The following ABCA13 variants were observed in gnomAD, a reference collection of about 807,000 sequenced individuals.
ABCA13 encodes ATP-binding cassette sub-family A member 13.
A neutral mutation model predicts 478.7 loss-of-function variants in ABCA13; 476 were observed. The observed-to-expected ratio is 0.99, with a 90% CI of 0.92 to 1.07. ABCA13 has a LOEUF of 1.07. Among genes scored for constraint, ABCA13 ranks in the 50% least tolerant of loss-of-function variants. ABCA13 has a pLI of 0.00. For missense variants in ABCA13, 6,060 were observed against 5,910.6 expected (o/e 1.03, Z -0.83); for synonymous variants, 2,252 against 2,158.9 (o/e 1.04, Z -1.20).
chr7:48,617,936 A>G (rs535355069), intron 59 of ABCA13, among the ~76,000 whole-genome samples: 1 of 152,296 alleles, frequency 6.6e-6, no homozygotes, highest in African/African-American at 2.4e-5. Context: ...GGACAGATAC[A>G]TAAGAGGAAA....
chr7:48,350,939 A>G, intron 30 of ABCA13, 120 bp downstream of exon 30: 1 of 1,024,450 alleles, frequency 9.8e-7, no homozygotes, highest in East Asian at 2.6e-5. Context: ...TCCTTTCCAG[A>G]TAAAACATAA....
At chr7:48,367,300 C>T (rs1811828228) in intron 31 of ABCA13, among the ~76,000 whole-genome samples, 2 of 152,128 alleles carry the variant, frequency 1.3e-5, no homozygotes, top group Non-Finnish European at 2.9e-5. Flanking sequence ...AGATAAGAGT[C>T]ATTTCAAGTG....
At chr7:48,506,503 T>A in intron 49 of ABCA13, 113 bp downstream of exon 49, 1 of 1,202,084 alleles carries the variant, frequency 8.3e-7, no homozygotes, top group Non-Finnish European at 1.2e-6. Flanking sequence ...AGATGGCTTA[T>A]AGAGTTAGCA....
In ABCA13 at chr7:48,374,424, C is replaced by A; in HGVS notation, c.11203+8C>A. ...TGGAAGGACAAGAGACAGGTAAGAGCATGCATGTGTAAAAAGTGACTCTCA... is the reference window on the plus strand; with the variant it reads ...TGGAAGGACAAGAGACAGGTAAGAGAATGCATGTGTAAAAAGTGACTCTCA... On this transcript the variant is annotated splice_region_variant and intron_variant, in intron 34 of 61. Transcript: ENST00000435803. 1 of 1,604,328 alleles carries A rather than the reference C, an allele frequency of 6.2e-7. No homozygotes were observed. The highest frequency in any genetic ancestry group is 8.5e-7 in the Non-Finnish European group (1 of 1,175,520).
Position 48,272,977 on chromosome 7 carries a change from A to G in ABCA13, c.3311A>G (p.Asn1104Ser), listed in dbSNP as rs771852700. The stretch of plus-strand genomic sequence containing the variant: ...GATAATAAATGCTTGATTTCGGACA[A>G]TAAACACATTTCTTCCGTAAATTAT... ...LLDNKCLISD[N>S]KHISSVNYST... The change falls in exon 17 of 62, where the codon AAT becomes AGT. Residue 1104 changes from asparagine (N) to serine (S), a missense_variant. Around this residue, in one of 3 missense-constraint regions of ABCA13, gnomAD observed 4,423 missense variants for 4,309.1 expected, o/e 1.03. Coordinates refer to ENST00000435803, the MANE Select transcript of ABCA13 (RefSeq NM_152701.5). The G allele has an allele frequency of 1.9e-6, 3 of 1,613,596 alleles. No individual in the cohort carries two copies. The highest frequency in any genetic ancestry group is 1.7e-5 in the Admixed American group (1 of 59,964).
rs1192620673 is a variant in ABCA13, at chr7:48,275,572, C to G, written c.5906C>G (p.Ser1969Ter). 2.5e-6 allele frequency: 4 copies of G among 1,613,452 alleles called. No homozygotes were observed. The South Asian group carries it at 4.4e-5, about 18-fold the overall frequency. The change falls in exon 17 of 62, where the codon TCA (serine) becomes TGA (stop). Residue 1969 changes from serine to a stop codon, truncating the protein, a stop_gained. Transcript: ENST00000435803. LOFTEE classifies it high-confidence loss of function. ...AATGTCAACTTTACAAAAGTTACAT[C>G]AGGTGAAAATATTCTTGACAAACTA... is the stretch of plus-strand genomic sequence containing the variant. ...LKNVNFTKVTSGENILDKLSS... is the reference protein window; with the variant it reads ...LKNVNFTKVT
At chr7:48,604,158 T>G (rs1791214448) in intron 58 of ABCA13, among the ~76,000 whole-genome samples, 1 of 152,130 alleles carries the variant, frequency 6.6e-6, no homozygotes, top group African/African-American at 2.4e-5. Context: ...GTCTGTCTAT[T>G]TTGTTGATCT....
chr7:48,609,838 A>G (rs1791846299), intron 58 of ABCA13, among the ~76,000 whole-genome samples: 1 of 152,188 alleles, frequency 6.6e-6, no homozygotes, highest in Non-Finnish European at 1.5e-5. Flanking sequence ...ATGAGAACTC[A>G]CTCACTATCA....
At chr7:48,263,188 A>G (rs1794423115) in intron 15 of ABCA13, among the ~76,000 whole-genome samples, 1 of 151,962 alleles carries the variant, frequency 6.6e-6, no homozygotes, top group African/African-American at 2.4e-5. Flanking sequence ...ATGCATTTTA[A>G]GAAGACGCCT....
rs751562649 is a variant in ABCA13, at chr7:48,410,578, C to T, written c.12129C>T (p.Arg4043=). The T allele has an allele frequency of 4.2e-5, 68 of 1,613,900 alleles. No individual in the cohort carries two copies. The highest frequency in any genetic ancestry group is 1.6e-4 in the Middle Eastern group (1 of 6,084). Reference sequence around the variant, plus strand: ...ATGAAGCTGAAGCGCTGAGTGACCGCGTGGCCGTCCTCCAGCATGGGAGGC... The same window carrying T: ...ATGAAGCTGAAGCGCTGAGTGACCGTGTGGCCGTCCTCCAGCATGGGAGGC... The part of the protein sequence containing the change: ...HLDEAEALSD[R]VAVLQHGRLR... Residue 4043 remains arginine, a synonymous_variant, in exon 40 of 62, where the codon CGC becomes CGT. Transcript: ENST00000435803.
rs1281486139 is a variant in ABCA13, at chr7:48,570,292, A to ATTTCATTG, written c.14355-9930_14355-9923dup. 3.4e-5 allele frequency among the ~76,000 whole-genome samples: 4 copies of ATTTCATTG among 117,006 alleles called. 1 individual carries two copies. The South Asian group carries it at 1.2e-3, about 34-fold the overall frequency. 76.8% of individuals were successfully genotyped at this position (117,006 alleles called of 152,430 possible). On this transcript the variant is annotated intron_variant, in intron 55 of 61. Transcript: ENST00000435803. ...CACCTCAGCTCTCTTTTGGATACTG[A>ATTTCATTG]TTTCATTGTATATCTTTTTGCATCC...
intron 52 of ABCA13, among the ~76,000 whole-genome samples, chr7:48,517,973 G>A (rs1832257743): frequency 6.6e-6 from 1 of 152,168 alleles, no homozygotes; most frequent in Admixed American, 6.6e-5. Context: ...CAGAGACTTA[G>A]TAAATTTGCC....
intron 43 of ABCA13, among the ~76,000 whole-genome samples, chr7:48,455,615 G>C (rs559889709): frequency 6.6e-6 from 1 of 152,222 alleles, no homozygotes; most frequent in African/African-American, 2.4e-5. Context: ...CCCCACAGGA[G>C]GGCGGGATAG....
At chr7:48,408,412 A>G (rs548365919) in intron 39 of ABCA13, among the ~76,000 whole-genome samples, 2 of 152,366 alleles carry the variant, frequency 1.3e-5, no homozygotes, top group South Asian at 4.1e-4. Flanking sequence ...ATCCTAGATC[A>G]GGGATTAAGC....
chr7:48,441,273 G>A (rs1195971023), intron 42 of ABCA13, among the ~76,000 whole-genome samples: 2 of 116,414 alleles, frequency 1.7e-5, no homozygotes, highest in Admixed American at 8.3e-5. Context: ...TGTGTTGTGT[G>A]TGTATGTGAT....
chr7:48,427,895 A>G (rs781650032), intron 42 of ABCA13, 24 bp downstream of exon 42: 9 of 1,468,406 alleles, frequency 6.1e-6, no homozygotes, highest in Non-Finnish European at 5.6e-6. Context: ...GGCTTCCTGC[A>G]TTTCTGCTGG....
intron 20 of ABCA13, among the ~76,000 whole-genome samples, chr7:48,290,689 C>T (rs1798380996): frequency 1.3e-5 from 2 of 152,026 alleles, no homozygotes; most frequent in Admixed American, 6.6e-5. Flanking sequence ...TTACAAATTA[C>T]AAACTAGAGG....
intron 55 of ABCA13, among the ~76,000 whole-genome samples, chr7:48,550,655 A>G (rs1195927184): frequency 2.0e-5 from 3 of 151,726 alleles, no homozygotes. Context: ...CACTGGCTGA[A>G]TAATACTGTG....
chr7:48,404,431 T>C (rs1162033179), intron 39 of ABCA13: 1 of 177,984 alleles, frequency 5.6e-6, no homozygotes, highest in Non-Finnish European at 1.2e-5. Flanking sequence ...GGAAGCATTG[T>C]TCTATGTATT....
Sources: allele counts gnomAD v4.1 joint callset (sites outside exome capture counted in the v4.1 genomes callset), GRCh38; gene constraint gnomAD v4.1.1; regional missense constraint gnomAD v4.1.1; transcripts MANE v1.5; gene names NCBI Gene and HGNC (gene_info 2026-07-23, HGNC 2026-07-21).